The following LSAMP variants were observed in gnomAD, a reference collection of about 807,000 sequenced individuals.
The protein encoded by LSAMP is limbic system-associated membrane protein.
In LSAMP, 7 loss-of-function variants were observed where a neutral mutation model predicts 38.6. The ratio of observed to expected loss-of-function variants is 0.18; its 90% CI spans 0.10 to 0.34. LSAMP has a LOEUF of 0.34. LSAMP is among the 10% of genes least tolerant of loss of function. The pLI is 1.00. For missense variants in LSAMP, 313 were observed against 420.0 expected, an observed-to-expected ratio of 0.75 and a Z score of 2.23; for synonymous variants, 154 against 166.8, an observed-to-expected ratio of 0.92 and a Z score of 0.59.
intron 1 of LSAMP, among the ~76,000 whole-genome samples, chr3:116,125,591 AT>A (rs536036556): frequency 1.3e-3 from 205 of 152,238 alleles, no homozygotes; most frequent in African/African-American, 4.8e-3. Context: ...CTCAACAGGA[AT>A]TGGTTTTCTG....
intron 1 of LSAMP, among the ~76,000 whole-genome samples, chr3:116,403,586 T>C (rs2048865348): frequency 6.6e-6 from 1 of 152,108 alleles, no homozygotes; most frequent in South Asian, 2.1e-4. Flanking sequence ...TAGCTAAAAG[T>C]CTAATTGAAA....
At chr3:116,100,637 C>G (rs1401045772) in intron 1 of LSAMP, among the ~76,000 whole-genome samples, 2 of 152,162 alleles carry the variant, frequency 1.3e-5, no homozygotes, top group African/African-American at 4.8e-5. Flanking sequence ...TTACCCACAG[C>G]TATTCCATCT....
intron 1 of LSAMP, among the ~76,000 whole-genome samples, chr3:116,294,509 C>T (rs114945206): frequency 0.01 from 1,576 of 152,166 alleles, 13 homozygotes; most frequent in Non-Finnish European, 0.017. Flanking sequence ...CTTTAACAGA[C>T]TCTTATAATA....
chr3:116,018,260 T>C (rs1464829839), intron 3 of LSAMP, among the ~76,000 whole-genome samples: 2 of 152,140 alleles, frequency 1.3e-5, no homozygotes, highest in African/African-American at 2.4e-5. Context: ...AACCATTCTA[T>C]AGGTTGGTCC....
intron 3 of LSAMP, among the ~76,000 whole-genome samples, chr3:116,003,062 A>G (rs1314262848): frequency 6.6e-6 from 1 of 152,132 alleles, no homozygotes; most frequent in Non-Finnish European, 1.5e-5. Context: ...CTTTATCAAG[A>G]GCTTAGCAGG....
chr3:116,410,872 G>T (rs966364264), intron 1 of LSAMP, among the ~76,000 whole-genome samples: 1 of 152,054 alleles, frequency 6.6e-6, no homozygotes, highest in Admixed American at 6.6e-5. Context: ...TTTTCATAGG[G>T]TCTTCTTTTT....
chr3:115,820,969 G>A (rs1266577202), intron 6 of LSAMP, among the ~76,000 whole-genome samples: 1 of 152,166 alleles, frequency 6.6e-6, no homozygotes, highest in African/African-American at 2.4e-5. Flanking sequence ...GGAGGGCTGA[G>A]CTTTATTTTA....
chr3:116,091,966 A>G (rs1413807228), intron 1 of LSAMP, among the ~76,000 whole-genome samples: 1 of 152,146 alleles, frequency 6.6e-6, no homozygotes, highest in Non-Finnish European at 1.5e-5. Context: ...CTTCCTTTTT[A>G]TGACCTTATC....
intron 6 of LSAMP, chr3:115,834,503 G>A (rs1934720371): frequency 2.6e-6 from 3 of 1,156,630 alleles, no homozygotes; most frequent in Non-Finnish European, 3.5e-6. Flanking sequence ...TGTTTTGCAT[G>A]TTAAAGATGA....
chr3:116,083,394 G>T (rs1707914002), intron 2 of LSAMP, among the ~76,000 whole-genome samples: 1 of 152,108 alleles, frequency 6.6e-6, no homozygotes, highest in African/African-American at 2.4e-5. Context: ...TAAAATATTA[G>T]TTTTATGTAT....
intron 2 of LSAMP, among the ~76,000 whole-genome samples, chr3:116,068,021 T>A (rs1201631446): frequency 1.3e-5 from 2 of 152,150 alleles, no homozygotes; most frequent in African/African-American, 2.4e-5. Context: ...AGCTGAATAC[T>A]GACAAACCTA....
intron 6 of LSAMP, among the ~76,000 whole-genome samples, chr3:115,838,870 A>C (rs1410795464): frequency 2.0e-5 from 3 of 152,216 alleles, no homozygotes; most frequent in African/African-American, 7.2e-5. Flanking sequence ...ATACGGCTGA[A>C]AATGCGCTGA....
At chr3:116,297,429 G>C (rs2047351327) in intron 1 of LSAMP, among the ~76,000 whole-genome samples, 1 of 152,036 alleles carries the variant, frequency 6.6e-6, no homozygotes, top group Non-Finnish European at 1.5e-5. Context: ...AATACTGTAT[G>C]ATTATTTAAA....
intron 1 of LSAMP, among the ~76,000 whole-genome samples, chr3:116,291,123 C>T (rs1478975797): frequency 6.6e-6 from 1 of 152,186 alleles, no homozygotes; most frequent in Non-Finnish European, 1.5e-5. Context: ...TCCTCTTTGT[C>T]TCCTTACCCC....
chr3:116,439,808 C>T (rs984419878), intron 1 of LSAMP, among the ~76,000 whole-genome samples: 4 of 152,244 alleles, frequency 2.6e-5, no homozygotes, highest in African/African-American at 9.6e-5. Context: ...CTGCAACCTC[C>T]GCCTCACGGG....
intron 1 of LSAMP, among the ~76,000 whole-genome samples, chr3:116,400,371 C>T (rs1007928037): frequency 2.0e-5 from 3 of 151,778 alleles, no homozygotes; most frequent in African/African-American, 7.3e-5. Context: ...TTCTTCCTTC[C>T]TTTTTTTTCT....
At chr3:116,362,704 T>A (rs1217115234) in intron 1 of LSAMP, among the ~76,000 whole-genome samples, 1 of 107,780 alleles carries the variant, frequency 9.3e-6, no homozygotes, top group East Asian at 2.3e-4. Flanking sequence ...GGATTAAGAA[T>A]CTCACTGAAA....
chr3:116,103,649 T>C (rs1708399234), intron 1 of LSAMP, among the ~76,000 whole-genome samples: 1 of 151,504 alleles, frequency 6.6e-6, no homozygotes, highest in Non-Finnish European at 1.5e-5. Context: ...CTTTTTGCTC[T>C]TATGCAGTGT....
chr3:116,183,848 C>A (rs1402737464), intron 1 of LSAMP, among the ~76,000 whole-genome samples: 5 of 151,662 alleles, frequency 3.3e-5, no homozygotes, highest in Non-Finnish European at 5.9e-5. Context: ...GAGGAAGAAC[C>A]AGTAGGACAC....
Sources: gnomAD v4.1 joint callset for allele counts (sites outside exome capture counted in the v4.1 genomes callset) on GRCh38, gnomAD v4.1.1 for gene constraint, MANE v1.5 for transcripts, NCBI Gene and HGNC (gene_info 2026-07-23, HGNC 2026-07-21) for gene names.